Variants in OSBPL1A observed in about 807,000 individuals in gnomAD.
OSBPL1A encodes oxysterol-binding protein-related protein 1.
OSBPL1A carries 80 observed loss-of-function variants against 137.1 expected under a neutral mutation model. That is an observed-to-expected ratio of 0.58 (90% confidence interval 0.49 to 0.70). The LOEUF is 0.70. Among genes scored for constraint, OSBPL1A ranks in the 30% least tolerant of loss-of-function variants. OSBPL1A has a pLI of 0.00. For missense variants in OSBPL1A, 970 were observed against 1,129.4 expected, an observed-to-expected ratio of 0.86 and a Z score of 2.02; for synonymous variants, 365 against 389.7, an observed-to-expected ratio of 0.94 and a Z score of 0.75.
chr18:24,330,793 T>A (rs2091062612), intron 7 of OSBPL1A, among the ~76,000 whole-genome samples: 1 of 150,670 alleles, frequency 6.6e-6, no homozygotes, highest in African/African-American at 2.5e-5. Context: ...TATTCCTTTA[T>A]GAAACTATTT....
chr18:24,293,470 A>G (rs1293843758), intron 14 of OSBPL1A, among the ~76,000 whole-genome samples: 1 of 152,236 alleles, frequency 6.6e-6, no homozygotes, highest in Non-Finnish European at 1.5e-5. Context: ...CCGAGGGCCA[A>G]GAAGCCCCAG....
intron 3 of OSBPL1A, among the ~76,000 whole-genome samples, chr18:24,367,178 T>C (rs1320629150): frequency 6.6e-6 from 1 of 151,310 alleles, no homozygotes; most frequent in African/African-American, 2.4e-5. Context: ...AGGAGAATCA[T>C]CTGAGCCCAG....
intron 14 of OSBPL1A, among the ~76,000 whole-genome samples, chr18:24,291,457 T>A (rs72884895): frequency 0.052 from 7,856 of 151,936 alleles, 248 homozygotes; most frequent in African/African-American, 0.068. Flanking sequence ...CTAAGAAAAG[T>A]ACTCAGAATG....
chr18:24,172,410 C>T lies in OSBPL1A; in HGVS notation c.2167G>A (p.Glu723Lys). The T allele has an allele frequency of 5.0e-6, 8 of 1,613,802 alleles. No individual in the cohort carries two copies. The highest frequency in any genetic ancestry group is 6.8e-6 in the Non-Finnish European group (8 of 1,179,738). The change falls in exon 22 of 28, where the codon GAA (glutamate) becomes AAA (lysine). Residue 723 changes from glutamate to lysine, a missense_variant. Coordinates refer to ENST00000319481, the MANE Select transcript of OSBPL1A (RefSeq NM_080597.4). ...HNIIVGKLWIEQYGNVEIINH... is the reference protein window; with the variant it reads ...HNIIVGKLWIKQYGNVEIINH... ...ATAATTTCCACATTGCCATACTGTT[C>T]GATCCACAGTTTACCCACAATGATA...
At chr18:24,193,403 A>G (rs2086943369) in intron 18 of OSBPL1A, among the ~76,000 whole-genome samples, 1 of 150,480 alleles carries the variant, frequency 6.6e-6, no homozygotes, top group Admixed American at 6.7e-5. Context: ...CAGGAGAATC[A>G]CTTGAACCCG....
At chr18:24,276,017 C>T (rs537039859) in intron 15 of OSBPL1A, among the ~76,000 whole-genome samples, 5 of 152,004 alleles carry the variant, frequency 3.3e-5, no homozygotes, top group Admixed American at 6.5e-5. Flanking sequence ...CATGAGCCAC[C>T]GTGCCTGTAT....
intron 12 of OSBPL1A, among the ~76,000 whole-genome samples, chr18:24,312,934 G>T (rs528790275): frequency 6.6e-6 from 1 of 151,446 alleles, no homozygotes; most frequent in African/African-American, 2.4e-5. Context: ...GACCAGCCTG[G>T]CCAACATGGT....
At chr18:24,341,817 A>G (rs2091278923) in intron 4 of OSBPL1A, among the ~76,000 whole-genome samples, 159 bp from the exon 5 acceptor site, 1 of 152,236 alleles carries the variant, frequency 6.6e-6, no homozygotes, top group Admixed American at 6.5e-5. Flanking sequence ...GATTCAACTA[A>G]TTGTGATAAT....
intron 4 of OSBPL1A, among the ~76,000 whole-genome samples, chr18:24,356,293 C>A (rs1458389992): frequency 6.6e-6 from 1 of 152,182 alleles, no homozygotes; most frequent in African/African-American, 2.4e-5. Context: ...TTCTGCAACA[C>A]CAAAGCAAAC....
At chr18:24,286,434 A>G (rs1053543354) in intron 14 of OSBPL1A, among the ~76,000 whole-genome samples, 11 of 152,206 alleles carry the variant, frequency 7.2e-5, no homozygotes, top group African/African-American at 2.2e-4. Context: ...TTTAATCTAT[A>G]TATCTACATC....
chr18:24,166,567 G>C lies in OSBPL1A; in HGVS notation c.2659+12C>G. The stretch of plus-strand genomic sequence containing the variant: ...TGAGTCTTCACTGGTGGCTTTGGCG[G>C]ATGCTAGTTACCTATCTCTCCATTT... On this transcript the variant is annotated intron_variant, in intron 26 of 27. Coordinates refer to ENST00000319481, the MANE Select transcript of OSBPL1A (RefSeq NM_080597.4). 1 of 1,597,938 alleles carries C rather than the reference G, an allele frequency of 6.3e-7. No individual in the cohort carries two copies. Among genetic ancestry groups the C allele is most frequent in the Non-Finnish European group, 8.5e-7 (1 of 1,174,906 alleles).
At chr18:24,218,691 C>A (rs577216667) in intron 17 of OSBPL1A, among the ~76,000 whole-genome samples, 1 of 152,080 alleles carries the variant, frequency 6.6e-6, no homozygotes, top group Non-Finnish European at 1.5e-5. Context: ...GGTGATCCAC[C>A]CACCTCGGTC....
chr18:24,382,050 A>G (rs1423597783), intron 1 of OSBPL1A, among the ~76,000 whole-genome samples: 3 of 151,798 alleles, frequency 2.0e-5, no homozygotes, highest in African/African-American at 4.8e-5. Flanking sequence ...AAAATATTAC[A>G]GAAGACCCAG....
chr18:24,344,848 CT>C (rs1311555261), intron 4 of OSBPL1A, among the ~76,000 whole-genome samples: 2 of 152,084 alleles, frequency 1.3e-5, no homozygotes, highest in Non-Finnish European at 2.9e-5. Context: ...CGGTCTAGCT[CT>C]GTCAGCCAGG....
At chr18:24,171,388 C>T (rs1432635552) in intron 23 of OSBPL1A, 21 bp downstream of exon 23, 1 of 1,561,546 alleles carries the variant, frequency 6.4e-7, no homozygotes. Context: ...TACTATTCAA[C>T]ATTTAAAAGA....
rs181348729 is a variant in OSBPL1A, at chr18:24,381,541, C to T, written c.-2-4006G>A. The stretch of plus-strand genomic sequence containing the variant: ...CTTCATCTAACAGTGATTGTAATGC[C>T]CTTTCTTCAGTTTGCTAATCAGCTT... On this transcript the variant is annotated intron_variant, in intron 1 of 27. Transcript: ENST00000319481. Among the ~76,000 whole-genome samples the T allele has an allele frequency of 5.5e-4, 84 of 152,280 alleles. 2 individuals carry two copies. The highest frequency in any genetic ancestry group is 1.3e-4 in the Non-Finnish European group (9 of 68,018).
At chr18:24,185,634 A>G (rs1282201164) in intron 18 of OSBPL1A, among the ~76,000 whole-genome samples, 2 of 152,112 alleles carry the variant, frequency 1.3e-5, no homozygotes, top group Non-Finnish European at 2.9e-5. Flanking sequence ...CACCGATTGT[A>G]ACAAATGGGC....
At chr18:24,213,521 T>C (rs376722504) in intron 17 of OSBPL1A, among the ~76,000 whole-genome samples, 4 of 152,012 alleles carry the variant, frequency 2.6e-5, no homozygotes, top group African/African-American at 7.3e-5. Context: ...TGAGCCAAGA[T>C]TACACCACTG....
Position 24,165,078 on chromosome 18 carries a change from CCT to C in OSBPL1A, c.2735_2736del (p.Glu912GlyfsTer12). Reference sequence around the variant, plus strand: ...TCAGGCACGCACCTCGTCTTCCAGTCCTCTTCTGACTTGGACCTGTTTTTGCG... The same window carrying C: ...TCAGGCACGCACCTCGTCTTCCAGTCCTTCTGACTTGGACCTGTTTTTGCG... ...AARKNRSKSE[E>X]DWKTRWFHQG... On this transcript the variant is annotated frameshift_variant, in exon 27 of 28. Transcript: ENST00000319481. LOFTEE classifies it high-confidence loss of function. The C allele has an allele frequency of 6.2e-7, 1 of 1,614,168 alleles. No individual in the cohort carries two copies. The highest frequency in any genetic ancestry group is 1.1e-5 in the South Asian group (1 of 91,088).
Sources: gnomAD v4.1 joint callset for allele counts (sites outside exome capture counted in the v4.1 genomes callset) on GRCh38, gnomAD v4.1.1 for gene constraint, MANE v1.5 for transcripts, NCBI Gene and HGNC (gene_info 2026-07-23, HGNC 2026-07-21) for gene names.